MOB3B: variants seen among roughly 807,000 people sequenced by gnomAD.
MOB3B encodes MOB kinase activator-like 2B.
Under a neutral mutation model 18.7 loss-of-function variants are expected in MOB3B, and 7 were observed. The ratio of observed to expected loss-of-function variants is 0.37; its 90% CI spans 0.21 to 0.70. MOB3B has a LOEUF of 0.70. Among genes scored for constraint, MOB3B ranks in the 30% least tolerant of loss-of-function variants. The probability of loss-of-function intolerance (pLI) is 0.52; values close to 1 mark genes in which losing one functional copy is unlikely to be tolerated. For missense variants in MOB3B, 253 were observed against 281.3 expected (o/e 0.90, Z 0.72); for synonymous variants, 111 against 99.9 (o/e 1.11, Z -0.66).
At chr9:27,439,886 C>T (rs1263654414) in intron 2 of MOB3B, among the ~76,000 whole-genome samples, 2 of 152,084 alleles carry the variant, frequency 1.3e-5, no homozygotes, top group African/African-American at 2.4e-5. Flanking sequence ...GGCTCAGTTC[C>T]CTCATTGGGA....
Position 27,490,618 on chromosome 9 carries a change from A to G in MOB3B, c.-198-34870T>C, listed in dbSNP as rs548485651. ...CACCTGTTCTCTTGGGGAGGAACCT[A>G]GGGTGGCTCAGGAGCTGGGAGTAAG... is the stretch of plus-strand genomic sequence containing the variant. On this transcript the variant is annotated intron_variant, in intron 1 of 3. Coordinates refer to ENST00000262244, the MANE Select transcript of MOB3B (RefSeq NM_024761.5). Among the ~76,000 whole-genome samples the G allele has an allele frequency of 2.2e-4, 34 of 152,280 alleles. No individual in the cohort carries two copies. The South Asian group carries it at 6.2e-3, about 28-fold the overall frequency.
intron 1 of MOB3B, among the ~76,000 whole-genome samples, chr9:27,477,396 C>T (rs1429385392): frequency 6.6e-6 from 1 of 152,212 alleles, no homozygotes; most frequent in East Asian, 1.9e-4. Context: ...TGACCCAAAC[C>T]AGTCCCTCTC....
chr9:27,407,141 G>A (rs1395783382), intron 2 of MOB3B, among the ~76,000 whole-genome samples: 1 of 152,118 alleles, frequency 6.6e-6, no homozygotes, highest in Non-Finnish European at 1.5e-5. Flanking sequence ...CCGGCCCAAA[G>A]ATTTCTTGAG....
At chr9:27,398,683 G>A (rs1821834793) in intron 2 of MOB3B, among the ~76,000 whole-genome samples, 1 of 152,192 alleles carries the variant, frequency 6.6e-6, no homozygotes, top group Non-Finnish European at 1.5e-5. Flanking sequence ...TGGAACCCAT[G>A]TCAGGGATGC....
At chr9:27,439,517 T>G (rs1197718982) in intron 2 of MOB3B, among the ~76,000 whole-genome samples, 3 of 152,174 alleles carry the variant, frequency 2.0e-5, no homozygotes, top group African/African-American at 2.4e-5. Flanking sequence ...TCTTTTTAGT[T>G]TCAGCAGACC....
chr9:27,380,275 T>C (rs1821557014), intron 2 of MOB3B, among the ~76,000 whole-genome samples: 1 of 151,616 alleles, frequency 6.6e-6, no homozygotes, highest in African/African-American at 2.4e-5. Context: ...TTTTTTTTTT[T>C]TTTTTTTTTA....
At chr9:27,419,635 G>A (rs1156918922) in intron 2 of MOB3B, among the ~76,000 whole-genome samples, 3 of 152,064 alleles carry the variant, frequency 2.0e-5, no homozygotes, top group Admixed American at 6.6e-5. Flanking sequence ...CTCATCTCTC[G>A]CCTTATACAA....
chr9:27,510,585 AT>A (rs1232801327), intron 1 of MOB3B, among the ~76,000 whole-genome samples: 4 of 152,228 alleles, frequency 2.6e-5, no homozygotes, highest in Admixed American at 6.5e-5. Flanking sequence ...TAGGCTTTTC[AT>A]ATACTAACAT....
intron 3 of MOB3B, among the ~76,000 whole-genome samples, chr9:27,332,337 T>C (rs1391256506): frequency 6.6e-6 from 1 of 152,132 alleles, no homozygotes; most frequent in Non-Finnish European, 1.5e-5. Context: ...AAGATGGGAA[T>C]ACAACAAGAG....
Position 27,366,210 on chromosome 9 carries a change from T to C in MOB3B, c.419-6974A>G, listed in dbSNP as rs535290567. 4.6e-5 allele frequency among the ~76,000 whole-genome samples: 7 copies of C among 152,318 alleles called. No homozygotes were observed. The South Asian group carries it at 1.4e-3, about 32-fold the overall frequency. On this transcript the variant is annotated intron_variant, in intron 2 of 3. Transcript: ENST00000262244. The stretch of plus-strand genomic sequence containing the variant: ...CAGAGCCCTGCTGAGTTTATGAATG[T>C]GTCTAACCACAACTTTCTGATCTCC...
At position 27,398,018 on chromosome 9, in the gene MOB3B, G is replaced by C. The variant is rs562250057; in HGVS notation, c.419-38782C>G. ...GATAAATTTTTTACCCAAGTCTCCC[G>C]TCTTTTGATAGAGGATCCAAAGATA... On this transcript the variant is annotated intron_variant, in intron 2 of 3. Transcript: ENST00000262244. 1.6e-3 allele frequency among the ~76,000 whole-genome samples: 250 copies of C among 152,268 alleles called. 1 individual carries two copies. The highest frequency in any genetic ancestry group is 5.8e-3 in the African/African-American group (239 of 41,550).
intron 1 of MOB3B, among the ~76,000 whole-genome samples, chr9:27,506,832 ATTT>A (rs71492749): frequency 2.7e-4 from 33 of 120,472 alleles, no homozygotes; most frequent in Middle Eastern, 5.2e-3. Flanking sequence ...ACCCCGGCTA[ATTT>A]TTTTTTTTTT....
At chr9:27,434,282 C>G (rs1352499023) in intron 2 of MOB3B, among the ~76,000 whole-genome samples, 1 of 152,092 alleles carries the variant, frequency 6.6e-6, no homozygotes, top group Non-Finnish European at 1.5e-5. Context: ...AATCTTTCAA[C>G]CCCCTCCTCT....
chr9:27,521,944 T>C (rs190377302), intron 1 of MOB3B, among the ~76,000 whole-genome samples: 156 of 152,120 alleles, frequency 1.0e-3, no homozygotes, highest in African/African-American at 3.4e-3. Context: ...CCTTCTCTTA[T>C]TAAATAAGAA....
At chr9:27,418,091 C>CAA (rs57850999) in intron 2 of MOB3B, among the ~76,000 whole-genome samples, 566 of 44,056 alleles carry the variant, frequency 0.013, 34 homozygotes, top group African/African-American at 0.031. Flanking sequence ...GACTCCACCT[C>CAA]AAAAAAAAAA....
intron 1 of MOB3B, among the ~76,000 whole-genome samples, chr9:27,517,420 G>A (rs1471929181): frequency 6.6e-6 from 1 of 151,994 alleles, no homozygotes; most frequent in Non-Finnish European, 1.5e-5. Context: ...GGGAGGCCGA[G>A]GTAGATTACC....
intron 1 of MOB3B, among the ~76,000 whole-genome samples, chr9:27,462,894 T>C (rs1819315949): frequency 1.3e-5 from 2 of 152,144 alleles, no homozygotes; most frequent in Admixed American, 6.5e-5. Flanking sequence ...AATTCGAAAA[T>C]ACAGTTTGAA....
intron 1 of MOB3B, among the ~76,000 whole-genome samples, chr9:27,512,009 C>T (rs1368050886): frequency 1.3e-5 from 2 of 152,094 alleles, no homozygotes; most frequent in African/African-American, 2.4e-5. Context: ...GTTGTGTGTC[C>T]CTCTAAGCCT....
rs1220973522 is a variant in MOB3B at position 27,325,397 on chromosome 9, T to C, written c.*5190A>G. On this transcript the variant is annotated 3_prime_UTR_variant, in exon 4 of 4. Transcript: ENST00000262244. ...AGTAAACATTTCTTTTTCTGATGTATGTAAAAAAGATACAGGAAAATTCTG... is the reference window on the plus strand; with the variant it reads ...AGTAAACATTTCTTTTTCTGATGTACGTAAAAAAGATACAGGAAAATTCTG... 5 of 152,216 alleles carry C rather than the reference T, an allele frequency of 3.3e-5. No individual in the cohort carries two copies. Among genetic ancestry groups the C allele is most frequent in the Non-Finnish European group, 7.3e-5 (5 of 68,038 alleles). The allele number at this position is 152,216 out of a possible 1,614,324, so 9.4% of individuals were successfully genotyped here. A position where few individuals can be genotyped will look rare whatever the true frequency, so the allele number is the denominator to read the frequency against.
Sources: gnomAD v4.1 joint callset for allele counts (sites outside exome capture counted in the v4.1 genomes callset) on GRCh38, gnomAD v4.1.1 for gene constraint, MANE v1.5 for transcripts, NCBI Gene and HGNC (gene_info 2026-07-23, HGNC 2026-07-21) for gene names.